The following USP22 variants were observed in gnomAD, a reference collection of about 807,000 sequenced individuals.
The protein encoded by USP22 is ubiquitin specific peptidase 22.
A neutral mutation model predicts 68.1 loss-of-function variants in USP22; 22 were observed. The observed-to-expected ratio is 0.32, with a 90% CI of 0.23 to 0.46. The LOEUF is 0.46. USP22 is among the 20% of genes least tolerant of loss of function. The pLI is 1.00. For synonymous variants in USP22, 279 were observed against 274.2 expected (o/e 1.02, Z -0.17); for missense variants, 433 against 695.8 (o/e 0.62, Z 4.25).
chr17:21,033,784 C>G (rs1336909156), intron 1 of USP22, among the ~76,000 whole-genome samples: 1 of 150,188 alleles, frequency 6.7e-6, no homozygotes, highest in Admixed American at 6.6e-5. Flanking sequence ...GAGTCTTGCT[C>G]TGTCACCAGG....
chr17:21,009,966 A>T (rs1195302666), intron 8 of USP22, among the ~76,000 whole-genome samples: 1 of 137,844 alleles, frequency 7.3e-6, no homozygotes, highest in African/African-American at 2.6e-5. Context: ...CTCAAAAAAA[A>T]AAAATTAAAA....
chr17:21,007,020 G>C (rs1913803792), intron 9 of USP22, 33 bp from the exon 10 acceptor site: 1 of 1,547,028 alleles, frequency 6.5e-7, no homozygotes, highest in Non-Finnish European at 8.8e-7. Flanking sequence ...GAGGGAAGAG[G>C]AAAGAAGATC....
At chr17:21,032,463 C>T (rs1350089360) in intron 1 of USP22, among the ~76,000 whole-genome samples, 2 of 152,172 alleles carry the variant, frequency 1.3e-5, no homozygotes, top group African/African-American at 4.8e-5. Flanking sequence ...TGGAGGAGGC[C>T]AGGAATAGCC....
intron 1 of USP22, among the ~76,000 whole-genome samples, chr17:21,033,382 C>G (rs1019515158): frequency 1.3e-5 from 2 of 152,068 alleles, no homozygotes; most frequent in Non-Finnish European, 2.9e-5. Context: ...ACAGAAACAC[C>G]CTGCCAAATT....
In USP22 at chr17:21,028,666, G is replaced by C; in HGVS notation, c.180C>G (p.Ser60=). 6.2e-7 allele frequency: 1 copy of C among 1,613,774 alleles called. No individual in the cohort carries two copies. The highest frequency in any genetic ancestry group is 8.5e-7 in the Non-Finnish European group (1 of 1,179,970). Residue 60 remains serine (S), a synonymous_variant, in exon 2 of 13, where the codon TCC becomes TCG. Coordinates refer to ENST00000261497, the MANE Select transcript of USP22 (RefSeq NM_015276.2). ...TAEARKRKAK[S]CICHVCGVHL... ...GGACGCCACAGACATGGCAGATACAGGACTTGGCCTGAAATTCAGAGAAGA... is the reference window on the plus strand; with the variant it reads ...GGACGCCACAGACATGGCAGATACACGACTTGGCCTGAAATTCAGAGAAGA...
rs528455948 is a variant in USP22, at chr17:21,027,970, A to G, written c.304+572T>C. ...GTGACAGCGCGAGACTCCATCTCAA[A>G]AAAAAGAAAAAGCCAAGAGCAAAAC... On this transcript the variant is annotated intron_variant, in intron 2 of 12. Transcript: ENST00000261497. Among the ~76,000 whole-genome samples, 11 of 152,328 alleles carry G rather than the reference A, an allele frequency of 7.2e-5. No homozygotes were observed. The East Asian group carries it at 1.9e-3, about 27-fold the overall frequency.
At chr17:21,027,292 C>CAAAAA (rs71357459) in intron 2 of USP22, among the ~76,000 whole-genome samples, 36 of 72,278 alleles carry the variant, frequency 5.0e-4, no homozygotes, top group African/African-American at 1.5e-3. Context: ...ACCCTGTCTC[C>CAAAAA]AAAAAAAAAA....
chr17:21,004,778 TGCGGGCAGCCAATAGTGG>T lies in USP22; in HGVS notation c.1385+132_1385+149del. 5.1e-4 allele frequency: 44 copies of T among 86,514 alleles called. 10 individuals are homozygous for T. The highest frequency in any genetic ancestry group is 4.8e-3 in the South Asian group (10 of 2,096). 5.4% of individuals were successfully genotyped at this position (86,514 alleles called of 1,614,324 possible). A position where few individuals can be genotyped will look rare whatever the true frequency, so the allele number is the denominator to read the frequency against. On this transcript the variant is annotated intron_variant, in intron 11 of 12. Coordinates refer to ENST00000261497, the MANE Select transcript of USP22 (RefSeq NM_015276.2). Reference sequence around the variant, plus strand: ...GTGGAGCGGCCTTTCCTAGTGGAGCTGCGGGCAGCCAATAGTGGAGCTGCGGGCAGCCAAGCGGGAAGC... The same window carrying T: ...GTGGAGCGGCCTTTCCTAGTGGAGCTAGCTGCGGGCAGCCAAGCGGGAAGC...
Position 21,004,974 on chromosome 17 carries a change from T to A in USP22, c.1339A>T (p.Asn447Tyr), listed in dbSNP as rs1419268520. 6.2e-7 allele frequency: 1 copy of A among 1,614,234 alleles called. No individual in the cohort carries two copies. The highest frequency in any genetic ancestry group is 1.7e-5 in the Admixed American group (1 of 60,024). The change falls in exon 11 of 13, where the codon AAT becomes TAT. Residue 447 changes from asparagine to tyrosine, a missense_variant. Around this residue, in one of 4 missense-constraint regions of USP22, gnomAD observed 178 missense variants for 351.5 expected, o/e 0.51. Coordinates refer to ENST00000261497, the MANE Select transcript of USP22 (RefSeq NM_015276.2). ...TCCGTGGGCTGCTGGTACTGTCCAT[T>A]CATCCTGCTCTCTTTGCTGTAACAG... ...FMASSKESRM[N>Y]GQYQQPTDSL...
At chr17:21,020,444 G>A (rs1222189030) in intron 3 of USP22, among the ~76,000 whole-genome samples, 1 of 151,432 alleles carries the variant, frequency 6.6e-6, no homozygotes, top group Non-Finnish European at 1.5e-5. Flanking sequence ...AGATGGCAAG[G>A]ATCTGACTGT....
At chr17:21,005,038 CAG>C in intron 10 of USP22, 48 bp from the exon 11 acceptor site, 1 of 1,604,378 alleles carries the variant, frequency 6.2e-7, no homozygotes, top group Non-Finnish European at 8.5e-7. Flanking sequence ...TCATCAGGCC[CAG>C]AGACACAAGG....
At chr17:21,042,392 ACAGAGAGGAGGGGGAG>A in intron 1 of USP22, 1 of 200,442 alleles carries the variant, frequency 5.0e-6, no homozygotes. Flanking sequence ...GGGGGAGGGG[ACAGAGAGGAGGGGGAG>A]GGAAAGGAAG....
chr17:21,014,367 C>G (rs1914066197), intron 6 of USP22, among the ~76,000 whole-genome samples: 2 of 152,210 alleles, frequency 1.3e-5, no homozygotes, highest in South Asian at 4.1e-4. Context: ...GTTATTCTCA[C>G]TAGGTGCTTG....
At chr17:21,042,570 G>GA in intron 1 of USP22, 95 bp downstream of exon 1, 2 of 1,190,956 alleles carry the variant, frequency 1.7e-6, no homozygotes, top group Non-Finnish European at 2.1e-6. Context: ...GGCAACGGGG[G>GA]AAGGGAAGAG....
At chr17:21,006,673 T>A (rs1461590526) in intron 10 of USP22, 2 of 243,506 alleles carry the variant, frequency 8.2e-6, no homozygotes, top group Non-Finnish European at 1.6e-5. Flanking sequence ...CCCAGCTAAT[T>A]TTTGTATTTT....
At chr17:21,019,830 G>A (rs115024246) in intron 3 of USP22, among the ~76,000 whole-genome samples, 1,570 of 152,324 alleles carry the variant, frequency 0.01, 33 homozygotes, top group African/African-American at 0.036. Context: ...GATTCTAGAA[G>A]AATTCCATTT....
At chr17:21,038,461 A>G (rs1051960104) in intron 1 of USP22, among the ~76,000 whole-genome samples, 1 of 150,632 alleles carries the variant, frequency 6.6e-6, no homozygotes, top group East Asian at 2.0e-4. Flanking sequence ...CTTAGCTCAG[A>G]AGTTCAAGAC....
In USP22 at chr17:21,020,702, T is replaced by A. The variant is rs73303665; in HGVS notation, c.418+411A>T. On this transcript the variant is annotated intron_variant, in intron 3 of 12. Transcript: ENST00000261497. ...ATCGCTTGCTAGAATTCGGCAGAGC[T>A]GAGGGCAAACCACTCAGGGATGTCC... Among the ~76,000 whole-genome samples the A allele has an allele frequency of 1.5e-3, 230 of 152,362 alleles. 1 individual carries two copies. The highest frequency in any genetic ancestry group is 5.1e-3 in the African/African-American group (214 of 41,594).
intron 1 of USP22, among the ~76,000 whole-genome samples, chr17:21,035,939 G>T (rs766916378): frequency 1.6e-4 from 23 of 143,292 alleles, no homozygotes; most frequent in Non-Finnish European, 3.1e-4. Context: ...GCTGAGGCAA[G>T]AGAATGGCGT....
Sources: gnomAD v4.1 joint callset for allele counts (sites outside exome capture counted in the v4.1 genomes callset) on GRCh38, gnomAD v4.1.1 for gene constraint, gnomAD v4.1.1 regional missense constraint, MANE v1.5 for transcripts, NCBI Gene and HGNC (gene_info 2026-07-23, HGNC 2026-07-21) for gene names.